Variants in ANKIB1 observed in about 807,000 individuals in gnomAD.
The protein encoded by ANKIB1 is ankyrin repeat and IBR domain-containing protein 1.
A neutral mutation model predicts 122.1 loss-of-function variants in ANKIB1; 43 were observed. The observed-to-expected ratio is 0.35, with a 90% confidence interval of 0.28 to 0.45. ANKIB1 has a LOEUF of 0.45. Among genes scored for constraint, ANKIB1 ranks in the 20% least tolerant of loss-of-function variants. ANKIB1 has a pLI of 1.00. For missense variants in ANKIB1, 992 were observed against 1,329.5 expected, an observed-to-expected ratio of 0.75 and a Z score of 3.95; for synonymous variants, 390 against 442.0, an observed-to-expected ratio of 0.88 and a Z score of 1.48.
At chr7:92,326,826 G>T (rs1286939353) in intron 4 of ANKIB1, among the ~76,000 whole-genome samples, 1 of 151,708 alleles carries the variant, frequency 6.6e-6, no homozygotes, top group East Asian at 1.9e-4. Context: ...AAAAAATGAG[G>T]TCTTACTATG....
intron 17 of ANKIB1, among the ~76,000 whole-genome samples, chr7:92,393,275 T>C (rs1804824328): frequency 6.6e-6 from 1 of 152,094 alleles, no homozygotes; most frequent in African/African-American, 2.4e-5. Flanking sequence ...CAAGAAAATA[T>C]TGACTTGAAA....
At chr7:92,332,864 G>A (rs1803199162) in intron 5 of ANKIB1, among the ~76,000 whole-genome samples, 2 of 152,088 alleles carry the variant, frequency 1.3e-5, no homozygotes, top group African/African-American at 4.8e-5. Context: ...AATTGCCTAT[G>A]TGAAAATCCT....
intron 1 of ANKIB1, among the ~76,000 whole-genome samples, chr7:92,248,055 T>TA: frequency 6.6e-6 from 1 of 152,278 alleles, no homozygotes; most frequent in African/African-American, 2.4e-5. Flanking sequence ...AGTGTATTAT[T>TA]AAGGGTGTGG....
intron 9 of ANKIB1, among the ~76,000 whole-genome samples, chr7:92,354,472 T>G (rs923354048): frequency 1.3e-5 from 2 of 152,172 alleles, no homozygotes; most frequent in Non-Finnish European, 2.9e-5. Flanking sequence ...ATTAGGGTAG[T>G]AGAGAACCTA....
At chr7:92,332,962 C>T (rs1048093556) in intron 5 of ANKIB1, among the ~76,000 whole-genome samples, 3 of 152,152 alleles carry the variant, frequency 2.0e-5, no homozygotes, top group Non-Finnish European at 4.4e-5. Flanking sequence ...CTGGTGTTCC[C>T]TAACTCCATA....
At chr7:92,338,161 A>T (rs148348623) in intron 5 of ANKIB1, among the ~76,000 whole-genome samples, 143 of 152,190 alleles carry the variant, frequency 9.4e-4, no homozygotes, top group African/African-American at 3.2e-3. Flanking sequence ...CTGTAATTTT[A>T]GCACTTGGGG....
intron 5 of ANKIB1, among the ~76,000 whole-genome samples, chr7:92,338,907 A>G (rs1585114591): frequency 3.4e-5 from 2 of 58,046 alleles, no homozygotes; most frequent in Admixed American, 2.0e-4. Flanking sequence ...GTGAGACTCC[A>G]TCTCAAAAAA....
intron 1 of ANKIB1, among the ~76,000 whole-genome samples, chr7:92,289,292 G>C (rs940343058): frequency 6.6e-6 from 1 of 152,142 alleles, no homozygotes; most frequent in Non-Finnish European, 1.5e-5. Flanking sequence ...CCTGCACACA[G>C]AATAAATCAA....
At chr7:92,390,192 G>A (rs1330166996) in intron 15 of ANKIB1, 76 bp downstream of exon 15, 1 of 1,130,474 alleles carries the variant, frequency 8.8e-7, no homozygotes, top group Non-Finnish European at 1.2e-6. Context: ...GAAACCACTT[G>A]TTTTATTTAA....
intron 9 of ANKIB1, among the ~76,000 whole-genome samples, chr7:92,357,138 T>TG (rs1357905489): frequency 6.6e-6 from 1 of 152,226 alleles, no homozygotes; most frequent in Non-Finnish European, 1.5e-5. Flanking sequence ...TTGTACATAC[T>TG]GGCACATTTT....
chr7:92,350,894 T>G (rs1445960963), intron 7 of ANKIB1, 56 bp from the exon 8 acceptor site: 1 of 1,487,460 alleles, frequency 6.7e-7, no homozygotes, highest in African/African-American at 1.4e-5. Flanking sequence ...ATTCTTAGAA[T>G]GTATGCACAA....
At chr7:92,298,768 TAA>T (rs34091044) in intron 2 of ANKIB1, among the ~76,000 whole-genome samples, 47 of 117,580 alleles carry the variant, frequency 4.0e-4, no homozygotes, top group Non-Finnish European at 5.1e-4. Context: ...CACTTGCAGT[TAA>T]AAAAAAAAAA....
At position 92,398,208 on chromosome 7, in the gene ANKIB1, T is replaced by A; in HGVS notation, c.2533-4T>A. 6.4e-7 allele frequency: 1 copy of A among 1,566,384 alleles called. No homozygotes were observed. ...TAAAGTGGTTTTGCTTTCTGTTGCT[T>A]CAGGCTCTGAGTTCCTTGGATGAAG... is the stretch of plus-strand genomic sequence containing the variant. On this transcript the variant is annotated splice_polypyrimidine_tract_variant and splice_region_variant and intron_variant, in intron 19 of 19. Coordinates refer to ENST00000265742, the MANE Select transcript of ANKIB1 (RefSeq NM_019004.2).
intron 5 of ANKIB1, among the ~76,000 whole-genome samples, chr7:92,334,666 A>G (rs1437805871): frequency 6.6e-6 from 1 of 152,014 alleles, no homozygotes; most frequent in Non-Finnish European, 1.5e-5. Context: ...TATCTATGTG[A>G]ATGAAAATCC....
intron 11 of ANKIB1, among the ~76,000 whole-genome samples, chr7:92,384,756 A>T (rs901674867): frequency 1.3e-5 from 2 of 152,294 alleles, no homozygotes; most frequent in African/African-American, 4.8e-5. Context: ...TAAAGACTTA[A>T]CTATTAGACC....
chr7:92,253,991 A>C (rs1391650662), intron 1 of ANKIB1, among the ~76,000 whole-genome samples: 1 of 152,220 alleles, frequency 6.6e-6, no homozygotes, highest in Non-Finnish European at 1.5e-5. Flanking sequence ...CCAACTCCTT[A>C]CAAGGCTTCA....
rs1010791288 is a variant in ANKIB1 at position 92,253,336 on chromosome 7, A to C, written c.-91+6817A>C. On this transcript the variant is annotated intron_variant, in intron 1 of 19. Transcript: ENST00000265742. The stretch of plus-strand genomic sequence containing the variant: ...TGTAGACCATCTCCCACCTTCATCT[A>C]CCCCTACTAACACACATCATTAACT... Among the ~76,000 whole-genome samples the C allele has an allele frequency of 3.9e-5, 6 of 151,940 alleles. No individual in the cohort carries two copies. In the South Asian group the frequency reaches 1.2e-3, roughly 32 times the overall value.
chr7:92,319,386 T>C lies in ANKIB1; in HGVS notation c.543T>C (p.Pro181=). 5 of 1,613,076 alleles carry C rather than the reference T, an allele frequency of 3.1e-6. No individual in the cohort carries two copies. Among genetic ancestry groups the C allele is most frequent in the Non-Finnish European group, 4.2e-6 (5 of 1,179,560 alleles). The stretch of plus-strand genomic sequence containing the variant: ...CTGAGAATGAAAATAAAGATACTCC[T>C]TGTGATTGTGCTGAAAAGCAACACC... ...LFAENENKDT[P]CDCAEKQHHK... is the part of the protein sequence containing the mutation. The change falls in exon 4 of 20, where the codon CCT becomes CCC. Residue 181 remains proline (P), a synonymous_variant. Coordinates refer to ENST00000265742, the MANE Select transcript of ANKIB1 (RefSeq NM_019004.2).
Position 92,271,325 on chromosome 7 carries a change from G to A in ANKIB1, c.-90-23564G>A, listed in dbSNP as rs372306383. On this transcript the variant is annotated intron_variant, in intron 1 of 19. Transcript: ENST00000265742. ...TTTTCTGTTGTATGAATCTGTGTCTGTCCCTCTGCCAATAGGACCCTGTCT... is the reference window on the plus strand; with the variant it reads ...TTTTCTGTTGTATGAATCTGTGTCTATCCCTCTGCCAATAGGACCCTGTCT... Among the ~76,000 whole-genome samples the A allele has an allele frequency of 3.2e-4, 48 of 152,276 alleles. 1 individual carries two copies. The highest frequency in any genetic ancestry group is 9.9e-4 in the African/African-American group (41 of 41,560).
Sources: gnomAD v4.1 joint callset for allele counts (sites outside exome capture counted in the v4.1 genomes callset) on GRCh38, gnomAD v4.1.1 for gene constraint, MANE v1.5 for transcripts, NCBI Gene and HGNC (gene_info 2026-07-23, HGNC 2026-07-21) for gene names.